The following SNX24 variants were observed in gnomAD, a reference collection of about 807,000 sequenced individuals.
SNX24 encodes sorting nexin-24.
SNX24 carries 22 observed loss-of-function variants against 28.7 expected under a neutral mutation model. The ratio of observed to expected loss-of-function variants is 0.77; its 90% CI spans 0.55 to 1.10. The LOEUF is 1.10. Among genes scored for constraint, SNX24 ranks in the 50% least tolerant of loss-of-function variants. The pLI, the probability that SNX24 is intolerant of heterozygous loss-of-function variation, is 0.00. For missense variants in SNX24, 221 were observed against 201.1 expected (o/e 1.10, Z -0.60); for synonymous variants, 69 against 71.5 (o/e 0.96, Z 0.18).
intron 3 of SNX24, among the ~76,000 whole-genome samples, chr5:122,948,984 T>C (rs1344203092): frequency 6.6e-6 from 1 of 152,224 alleles, no homozygotes; most frequent in East Asian, 1.9e-4. Context: ...TAGATGATTT[T>C]TTAAATCAAT....
chr5:123,028,795 G>A (rs747869804), intron 5 of SNX24: 1 of 1,613,364 alleles, frequency 6.2e-7, no homozygotes, highest in African/African-American at 1.3e-5. Context: ...ATCTCCAGTG[G>A]TGATGTCACC....
intron 1 of SNX24, among the ~76,000 whole-genome samples, chr5:122,922,000 G>A (rs971885856): frequency 3.3e-5 from 5 of 152,014 alleles, no homozygotes; most frequent in African/African-American, 1.2e-4. Flanking sequence ...TCTCTTTAGC[G>A]GCTCCTTATG....
rs1561503429 is a variant in SNX24, at chr5:122,852,132, A to ATATCTATATC, written c.60+6442_60+6443insCTATATCTAT. On this transcript the variant is annotated intron_variant, in intron 1 of 6. Transcript: ENST00000261369. Reference sequence around the variant, plus strand: ...TATCTATCTATATCTATATCTATATATATATGTATATATTTCTTTTTTTCT... The same window carrying ATATCTATATC: ...TATCTATCTATATCTATATCTATATATATCTATATCTATATGTATATATTTCTTTTTTTCT... Among the ~76,000 whole-genome samples, 127 of 146,612 alleles carry ATATCTATATC rather than the reference A, an allele frequency of 8.7e-4. 1 individual carries two copies. Among genetic ancestry groups the ATATCTATATC allele is most frequent in the African/African-American group, 3.1e-3 (117 of 37,846 alleles).
At chr5:122,870,426 G>C (rs978564346) in intron 1 of SNX24, among the ~76,000 whole-genome samples, 2 of 152,134 alleles carry the variant, frequency 1.3e-5, no homozygotes, top group Non-Finnish European at 2.9e-5. Context: ...AATAGCAGTG[G>C]GCCTGAGATG....
intron 3 of SNX24, among the ~76,000 whole-genome samples, chr5:122,949,532 A>G (rs1759841409): frequency 6.6e-6 from 1 of 152,162 alleles, no homozygotes; most frequent in African/African-American, 2.4e-5. Context: ...ATTCAAATTA[A>G]TGAATTGCCA....
intron 5 of SNX24, among the ~76,000 whole-genome samples, chr5:123,021,336 T>C (rs1762760123): frequency 6.6e-6 from 1 of 152,182 alleles, no homozygotes; most frequent in Non-Finnish European, 1.5e-5. Context: ...AGTGAGTTAA[T>C]GAACGAGTCT....
intron 3 of SNX24, among the ~76,000 whole-genome samples, chr5:122,947,400 CAGA>C (rs1759734196): frequency 6.6e-6 from 1 of 152,066 alleles, no homozygotes; most frequent in Admixed American, 6.6e-5. Flanking sequence ...AGAAAGATGC[CAGA>C]ATTCCGTTCC....
chr5:122,860,419 A>G (rs942504240), intron 1 of SNX24, among the ~76,000 whole-genome samples: 1 of 152,162 alleles, frequency 6.6e-6, no homozygotes, highest in Non-Finnish European at 1.5e-5. Context: ...TTCCTGGCTC[A>G]TGGTCCTAGC....
chr5:122,980,704 C>G (rs1453063363), intron 3 of SNX24, among the ~76,000 whole-genome samples: 3 of 150,584 alleles, frequency 2.0e-5, no homozygotes, highest in Non-Finnish European at 4.4e-5. Flanking sequence ...TTTACTTACT[C>G]TGTGCCCCTT....
In SNX24 at chr5:122,938,442, T is replaced by C. The variant is rs76645094; in HGVS notation, c.144+1625T>C. ...AATAGAATAGAAATTCACAAATCTC[T>C]CAATTTTGAATATTGTTGGCAGCCT... is the stretch of plus-strand genomic sequence containing the variant. On this transcript the variant is annotated intron_variant, in intron 2 of 6. Transcript: ENST00000261369. Among the ~76,000 whole-genome samples the C allele has an allele frequency of 5.7e-3, 861 of 152,334 alleles. 12 individuals are homozygous for C. Among genetic ancestry groups the C allele is most frequent in the African/African-American group, 0.019 (778 of 41,558 alleles).
intron 1 of SNX24, among the ~76,000 whole-genome samples, chr5:122,874,016 C>T (rs2004311): frequency 0.35 from 53,799 of 151,980 alleles, 10,145 homozygotes; most frequent in African/African-American, 0.45. Context: ...GTGATCCACC[C>T]GCCCTGGCCT....
At chr5:123,003,573 A>G (rs1277665339) in intron 6 of SNX24, among the ~76,000 whole-genome samples, 2 of 152,210 alleles carry the variant, frequency 1.3e-5, no homozygotes, top group African/African-American at 4.8e-5. Context: ...AAGTGTAGAC[A>G]GTGAAATGGT....
At chr5:123,003,675 C>T (rs1450648446) in intron 6 of SNX24, among the ~76,000 whole-genome samples, 1 of 152,194 alleles carries the variant, frequency 6.6e-6, no homozygotes, top group Non-Finnish European at 1.5e-5. Context: ...TTGAGCAGTG[C>T]CTACCATGTG....
chr5:122,949,398 GA>G (rs1424453616), intron 3 of SNX24, among the ~76,000 whole-genome samples: 1 of 151,978 alleles, frequency 6.6e-6, no homozygotes, highest in Non-Finnish European at 1.5e-5. Flanking sequence ...ACTAAATTAG[GA>G]AATTTTCCTA....
At chr5:122,904,326 G>T (rs1257134795) in intron 1 of SNX24, among the ~76,000 whole-genome samples, 1 of 152,092 alleles carries the variant, frequency 6.6e-6, no homozygotes, top group African/African-American at 2.4e-5. Context: ...GGGATTACAG[G>T]CATGTGCCGC....
chr5:122,996,393 G>T (rs1762054467), intron 3 of SNX24, among the ~76,000 whole-genome samples: 2 of 152,170 alleles, frequency 1.3e-5, no homozygotes, highest in Admixed American at 6.5e-5. Flanking sequence ...GCTGTCAGGG[G>T]TCTGCAAACC....
intron 1 of SNX24, among the ~76,000 whole-genome samples, chr5:122,906,410 GC>G (rs1308838771): frequency 2.0e-5 from 3 of 152,196 alleles, no homozygotes; most frequent in African/African-American, 7.2e-5. Flanking sequence ...TTCCAGGTAG[GC>G]CTAGAACAGA....
intron 6 of SNX24, 96 bp from the exon 7 acceptor site, chr5:123,007,586 T>G: frequency 9.0e-7 from 1 of 1,111,542 alleles, no homozygotes; most frequent in Non-Finnish European, 1.3e-6. Flanking sequence ...ACCGTAAGCA[T>G]TGCCTTGTTC....
chr5:122,985,404 A>G (rs1477275853), intron 3 of SNX24, among the ~76,000 whole-genome samples: 1 of 152,148 alleles, frequency 6.6e-6, no homozygotes, highest in African/African-American at 2.4e-5. Flanking sequence ...AGACACAGAG[A>G]TTGTCCACTT....
Sources: gnomAD v4.1 joint callset for allele counts (sites outside exome capture counted in the v4.1 genomes callset) on GRCh38, gnomAD v4.1.1 for gene constraint, MANE v1.5 for transcripts, NCBI Gene and HGNC (gene_info 2026-07-23, HGNC 2026-07-21) for gene names.